Variants in IL32 observed in about 807,000 individuals in gnomAD.
IL32 encodes interleukin 32.
In IL32, 30 loss-of-function variants were observed where a neutral mutation model predicts 16.6. That is an observed-to-expected ratio of 1.81 (90% CI 1.35 to 2.45). IL32 has a LOEUF of 2.45. Ranked by LOEUF, IL32 falls within the 30% of genes most tolerant of loss-of-function variation. The pLI is 0.00. For synonymous variants in IL32, 70 were observed against 86.1 expected, an observed-to-expected ratio of 0.81 and a Z score of 1.03; for missense variants, 234 against 229.8, an observed-to-expected ratio of 1.02 and a Z score of -0.12.
chr16:3,068,285 T>G, intron 6 of IL32, 46 bp downstream of exon 6: 1 of 1,466,590 alleles, frequency 6.8e-7, no homozygotes, highest in Non-Finnish European at 9.4e-7. Context: ...CCTTCACCTC[T>G]GCCCTGTCTT....
Position 3,066,991 on chromosome 16 carries a change from GGCCC to G in IL32, c.16-385_16-382del, listed in dbSNP as rs1283886271. 3.4e-5 allele frequency among the ~76,000 whole-genome samples: 3 copies of G among 88,086 alleles called. 1 individual carries two copies. Among genetic ancestry groups the G allele is most frequent in the African/African-American group, 1.2e-4 (3 of 24,340 alleles). The allele number at this position is 88,086 out of a possible 152,430, so 57.8% of individuals were successfully genotyped here. The stretch of plus-strand genomic sequence containing the variant: ...TGCTCTTGTGAGGAGGGGTCACCTA[GGCCC>G]ACGCAGGCCCTGCTCTTGTGAGGAG... On this transcript the variant is annotated intron_variant, in intron 2 of 6. Coordinates refer to ENST00000525643, the MANE Select transcript of IL32 (RefSeq NM_001376923.1).
chr16:3,069,405 C>T lies in IL32; in HGVS notation c.*50C>T, dbSNP rs2151204227. On this transcript the variant is annotated 3_prime_UTR_variant, in exon 7 of 7. Transcript: ENST00000525643. ...CCCCGTCACCGCGCACCCACCCTGA[C>T]CCCTCCCTCAGCTGTCCTGTGCCCC... 1 of 1,539,070 alleles carries T rather than the reference C, an allele frequency of 6.5e-7. No homozygotes were observed. Among genetic ancestry groups the T allele is most frequent in the Non-Finnish European group, 8.8e-7 (1 of 1,141,768 alleles).
upstream of IL32, chr16:3,065,442 C>G (rs1372626647): frequency 3.0e-6 from 1 of 338,696 alleles, no homozygotes; most frequent in African/African-American, 2.1e-5. Flanking sequence ...AGGGGCCCAG[C>G]CAGGGACGGA....
chr16:3,067,863 G>A (rs921036074), intron 4 of IL32, 121 bp from the exon 5 acceptor site: 1 of 1,216,600 alleles, frequency 8.2e-7, no homozygotes, highest in East Asian at 2.4e-5. Flanking sequence ...ACGTGGCCCG[G>A]GCCCCTGGCT....
At chr16:3,066,643 C>A (rs567372559) in intron 2 of IL32, among the ~76,000 whole-genome samples, 1 of 152,070 alleles carries the variant, frequency 6.6e-6, no homozygotes, top group Non-Finnish European at 1.5e-5. Flanking sequence ...TGGCCCGGGA[C>A]CTGTGGGTCT....
chr16:3,066,217 C>A (rs530152693), intron 2 of IL32, among the ~76,000 whole-genome samples: 1 of 152,196 alleles, frequency 6.6e-6, no homozygotes, highest in South Asian at 2.1e-4. Context: ...GGGTTCCCTC[C>A]GACCTCCCAT....
rs139774669 is a variant in IL32 at position 3,068,590 on chromosome 16, C to T, written c.201+351C>T. ...CCTCCCAAAGTGCTGAGATTACAGG[C>T]ATGAGCCACCGGGCCCAGCCAACCC... is the stretch of plus-strand genomic sequence containing the variant. On this transcript the variant is annotated intron_variant, in intron 6 of 6. Transcript: ENST00000525643. 415 of 409,552 alleles carry T rather than the reference C, an allele frequency of 1.0e-3. 2 individuals carry two copies. The highest frequency in any genetic ancestry group is 7.8e-3 in the African/African-American group (382 of 49,154). 25.4% of individuals were successfully genotyped at this position (409,552 alleles called of 1,614,324 possible).
At chr16:3,065,874 C>T in intron 2 of IL32, 48 bp downstream of exon 2, 3 of 1,611,618 alleles carry the variant, frequency 1.9e-6, no homozygotes, top group East Asian at 2.2e-5. Context: ...TGAAAACAGA[C>T]CGTAAGGGTG....
At chr16:3,067,696 G>A (rs1858074504) in intron 4 of IL32, 83 bp downstream of exon 4, 2 of 1,097,478 alleles carry the variant, frequency 1.8e-6, no homozygotes, top group South Asian at 1.3e-5. Flanking sequence ...GGGTGAGAAG[G>A]ATGAAGAGGG....
intron 2 of IL32, among the ~76,000 whole-genome samples, chr16:3,066,795 C>G (rs1596242225): frequency 6.6e-6 from 1 of 152,072 alleles, no homozygotes; most frequent in Non-Finnish European, 1.5e-5. Flanking sequence ...TTGGCCAACT[C>G]TCACCTGGGA....
At chr16:3,068,591 A>T in intron 6 of IL32, 2 of 407,466 alleles carry the variant, frequency 4.9e-6, no homozygotes, top group Non-Finnish European at 9.2e-6. Flanking sequence ...GATTACAGGC[A>T]TGAGCCACCG....
intron 4 of IL32, 41 bp downstream of exon 4, chr16:3,067,654 G>A (rs146964710): frequency 3.2e-5 from 46 of 1,430,082 alleles, no homozygotes; most frequent in South Asian, 5.8e-5. Flanking sequence ...ACATGTCCCC[G>A]CCCCCAGGCA....
Position 3,067,569 on chromosome 16 carries a change from A to G in IL32, c.70A>G (p.Arg24Gly), listed in dbSNP as rs144473418. 1.7e-3 allele frequency: 2,705 copies of G among 1,613,912 alleles called. 19 individuals carry two copies. The African/African-American group carries it at 0.02, about 12-fold the overall frequency. ...LKARMHQAIERFYDKMQNAES... is the reference protein window; with the variant it reads ...LKARMHQAIEGFYDKMQNAES... The stretch of plus-strand genomic sequence containing the variant: ...CTCTTCACAGCACCAGGCCATAGAA[A>G]GATTTTATGATAAAATGCAAAATGC... The change falls in exon 4 of 7, where the codon AGA becomes GGA. Residue 24 changes from arginine (R) to glycine (G), a missense_variant. Arg to Gly is a moderately radical substitution (Grantham distance 125). Transcript: ENST00000525643.
At chr16:3,068,715 C>T (rs1596264050) in intron 6 of IL32, 1 of 508,566 alleles carries the variant, frequency 2.0e-6, no homozygotes, top group East Asian at 3.7e-5. Context: ...CCCATGGCCT[C>T]ACTCCTCACA....
intron 4 of IL32, 43 bp downstream of exon 4, chr16:3,067,656 C>T (rs1956542713): frequency 7.1e-7 from 1 of 1,408,736 alleles, no homozygotes; most frequent in Non-Finnish European, 1.0e-6. Flanking sequence ...ATGTCCCCGC[C>T]CCCAGGCACT....
intron 1 of IL32, 25 bp from the exon 2 acceptor site, chr16:3,065,759 C>G: frequency 6.2e-7 from 1 of 1,612,936 alleles, no homozygotes; most frequent in Non-Finnish European, 8.5e-7. Context: ...ACTTTCTTTT[C>G]CTCACACCTG....
rs1350966102 is a variant in IL32 at position 3,068,027 on chromosome 16, C to T, written c.141+17C>T. The T allele has an allele frequency of 1.2e-6, 2 of 1,613,702 alleles. No homozygotes were observed. Among genetic ancestry groups the T allele is most frequent in the Non-Finnish European group, 1.7e-6 (2 of 1,179,622 alleles). On this transcript the variant is annotated intron_variant, in intron 5 of 6. Transcript: ENST00000525643. ...GAGCTGGAGGTGAGCCGTGGCCTCC[C>T]CCTCCACCAAGCTTAGTCCCTGGGT...
At chr16:3,068,083 C>T (rs2151195580) in intron 5 of IL32, 73 bp downstream of exon 5, 2 of 1,608,174 alleles carry the variant, frequency 1.2e-6, no homozygotes, top group Non-Finnish European at 1.7e-6. Flanking sequence ...GGGTCTGGGC[C>T]CCGGGTCCCC....
chr16:3,066,008 G>T (rs537689102), intron 2 of IL32, among the ~76,000 whole-genome samples, 182 bp downstream of exon 2: 16 of 152,288 alleles, frequency 1.1e-4, no homozygotes, highest in African/African-American at 3.6e-4. Flanking sequence ...ATGTGTCGGG[G>T]GCGCTGGAGA....
Sources: gnomAD v4.1 joint callset for allele counts (sites outside exome capture counted in the v4.1 genomes callset) on GRCh38, gnomAD v4.1.1 for gene constraint, MANE v1.5 for transcripts, NCBI Gene and HGNC (gene_info 2026-07-23, HGNC 2026-07-21) for gene names.